The following FERMT3 variants were observed in gnomAD, a reference collection of about 807,000 sequenced individuals.
The protein encoded by FERMT3 is fermitin family homolog 3.
Under a neutral mutation model 80.8 loss-of-function variants are expected in FERMT3, and 33 were observed. That is an observed-to-expected ratio of 0.41 (90% CI 0.31 to 0.55). The LOEUF is 0.55. Ranked by LOEUF, FERMT3 falls within the 20% of genes least tolerant of loss-of-function variation. FERMT3 has a pLI of 0.31. For missense variants in FERMT3, 754 were observed against 908.7 expected (o/e 0.83, Z 2.19); for synonymous variants, 375 against 372.2 (o/e 1.01, Z -0.09).
At chr11:64,214,927 C>T (rs1486105061) in intron 6 of FERMT3, among the ~76,000 whole-genome samples, 1 of 151,864 alleles carries the variant, frequency 6.6e-6, no homozygotes, top group East Asian at 1.9e-4. Context: ...CTCAGCCTCC[C>T]ACATAGCTGG....
chr11:64,220,170 G>T, intron 10 of FERMT3, 50 bp from the exon 11 acceptor site: 7 of 1,590,866 alleles, frequency 4.4e-6, no homozygotes, highest in Non-Finnish European at 5.2e-6. Flanking sequence ...CAGGACCTCA[G>T]GCGGCTCTTC....
intron 6 of FERMT3, among the ~76,000 whole-genome samples, chr11:64,217,352 C>G (rs1047493212): frequency 6.6e-6 from 1 of 152,158 alleles, no homozygotes; most frequent in East Asian, 1.9e-4. Context: ...GAATTTGAGA[C>G]CAGCCTGATC....
intron 12 of FERMT3, 121 bp downstream of exon 12, chr11:64,220,790 C>G: frequency 7.9e-7 from 1 of 1,271,394 alleles, no homozygotes; most frequent in Non-Finnish European, 1.1e-6. Flanking sequence ...CCCACTGTGT[C>G]CCTGAGATTG....
chr11:64,211,394 C>T lies in FERMT3; in HGVS notation c.634C>T (p.Arg212Cys), dbSNP rs369072342. Residue 212 changes from arginine to cysteine, a missense_variant, in exon 5 of 15, where the codon CGT (arginine) becomes TGT (cysteine). Transcript: ENST00000345728. The surrounding 1 kb of genome is among the most constrained non-coding windows in gnomAD (Gnocchi z 4.7). The stretch of plus-strand genomic sequence containing the variant: ...GCCACCCGACCCCCTCCTGCTCCAG[C>T]GTCTGCCACGGCCCAGCTCCCTGTC... ...QPPPDPLLLQ[R>C]LPRPSSLSDK... is the part of the protein sequence containing the mutation. 6 of 1,605,376 alleles carry T rather than the reference C, an allele frequency of 3.7e-6. No individual in the cohort carries two copies. The highest frequency in any genetic ancestry group is 5.1e-6 in the Non-Finnish European group (6 of 1,177,104).
chr11:64,218,283 C>T (rs1209370640), intron 6 of FERMT3, among the ~76,000 whole-genome samples: 1 of 152,064 alleles, frequency 6.6e-6, no homozygotes, highest in Admixed American at 6.6e-5. Context: ...GGATTACAGG[C>T]GTGAGCCACT....
chr11:64,219,953 T>A lies in FERMT3; in HGVS notation c.1142T>A (p.Leu381Gln). The A allele has an allele frequency of 6.2e-7, 1 of 1,613,838 alleles. No individual in the cohort carries two copies. Among genetic ancestry groups the A allele is most frequent in the Non-Finnish European group, 8.5e-7 (1 of 1,179,988 alleles). ...QHWVVFKETT[L>Q]SYYKSQDEAP... is the part of the protein sequence containing the mutation. ...TGGGTGGTGTTCAAGGAGACCACAC[T>A]GTCCTACTACAAGAGCCAGGACGAG... is the stretch of plus-strand genomic sequence containing the variant. Residue 381 changes from leucine to glutamine, a missense_variant, in exon 10 of 15, where the codon CTG becomes CAG. Coordinates refer to ENST00000345728, the MANE Select transcript of FERMT3 (RefSeq NM_031471.6). The surrounding 1 kb of genome is among the most constrained non-coding windows in gnomAD (Gnocchi z 4.0).
intron 2 of FERMT3, among the ~76,000 whole-genome samples, chr11:64,208,711 C>T (rs11600667): frequency 0.1 from 15,952 of 152,116 alleles, 1,079 homozygotes; most frequent in Non-Finnish European, 0.16. Flanking sequence ...GAGAGGTGGC[C>T]TCAGCAGGGA....
chr11:64,209,449 G>A (rs1033946201), intron 2 of FERMT3, among the ~76,000 whole-genome samples: 1 of 152,206 alleles, frequency 6.6e-6, no homozygotes, highest in African/African-American at 2.4e-5. Flanking sequence ...AAGGGGACCT[G>A]GCCGAGGCAG....
chr11:64,215,376 A>G (rs948039716), intron 6 of FERMT3, among the ~76,000 whole-genome samples: 4 of 152,114 alleles, frequency 2.6e-5, no homozygotes, highest in Admixed American at 2.0e-4. Context: ...CATTTTGACA[A>G]TTGTCATATT....
At position 64,222,383 on chromosome 11, in the gene FERMT3, G is replaced by C. The variant is rs532591053; in HGVS notation, c.1671-665G>C. ...AGTTCGAGACCAGCCTGACCAACAT[G>C]GTGAAACCCCGTCTCTACTAAAAAC... is the stretch of plus-strand genomic sequence containing the variant. On this transcript the variant is annotated intron_variant, in intron 13 of 14. Coordinates refer to ENST00000345728, the MANE Select transcript of FERMT3 (RefSeq NM_031471.6). 3.3e-4 allele frequency among the ~76,000 whole-genome samples: 50 copies of C among 151,796 alleles called. 1 individual carries two copies. In the South Asian group the frequency reaches 9.1e-3, roughly 28 times the overall value.
At chr11:64,214,649 C>A (rs898537977) in intron 6 of FERMT3, among the ~76,000 whole-genome samples, 2 of 151,022 alleles carry the variant, frequency 1.3e-5, no homozygotes, top group Non-Finnish European at 3.0e-5. Context: ...GCCTGGCCTA[C>A]ACTTTTCTTT....
intron 13 of FERMT3, among the ~76,000 whole-genome samples, chr11:64,221,742 C>T (rs1363980561): frequency 7.0e-6 from 1 of 142,906 alleles, no homozygotes; most frequent in East Asian, 2.0e-4. Flanking sequence ...GCCTGGCCAA[C>T]ATAGTGAAAC....
chr11:64,220,725 C>T (rs1565296892), intron 12 of FERMT3, 56 bp downstream of exon 12: 5 of 1,474,074 alleles, frequency 3.4e-6, no homozygotes, highest in Non-Finnish European at 4.7e-6. Context: ...AGACCTCTGA[C>T]CCCTGGGTCT....
chr11:64,206,599 G>C (rs1028056053), upstream of FERMT3: 3 of 152,458 alleles, frequency 2.0e-5, no homozygotes, highest in Admixed American at 6.5e-5. Context: ...GGACAAAGGT[G>C]GGGGGGCCCC....
chr11:64,214,170 T>G (rs935830248), intron 6 of FERMT3, among the ~76,000 whole-genome samples: 3 of 146,950 alleles, frequency 2.0e-5, no homozygotes, highest in Admixed American at 1.4e-4. Flanking sequence ...ATAATTGCCT[T>G]TTTTTTTTTT....
chr11:64,218,386 C>T (rs546712491), intron 6 of FERMT3, among the ~76,000 whole-genome samples: 2 of 152,292 alleles, frequency 1.3e-5, no homozygotes, highest in Admixed American at 1.3e-4. Flanking sequence ...TCACTGCACC[C>T]TCAACCTCAT....
chr11:64,220,051 C>T, intron 10 of FERMT3, 36 bp downstream of exon 10: 1 of 1,611,218 alleles, frequency 6.2e-7, no homozygotes, highest in Non-Finnish European at 8.5e-7. Flanking sequence ...GTGGGGGGAT[C>T]CCCACTTGTG....
Position 64,210,646 on chromosome 11 carries a change from T to C in FERMT3, c.196T>C (p.Trp66Arg). ...GGACTGGTCAGACCATGCTATTTGG[T>C]GGGAACAGAAGAGGCAGTGGCTGCT... ...KQDWSDHAIW[W>R]EQKRQWLLQT... is the part of the protein sequence containing the mutation. Residue 66 changes from tryptophan to arginine, a missense_variant, in exon 3 of 15, where the codon TGG becomes CGG. Coordinates refer to ENST00000345728, the MANE Select transcript of FERMT3 (RefSeq NM_031471.6). This position sits in a 1 kb window ranked among gnomAD's most constrained non-coding sequence, Gnocchi z 4.3. 1 of 1,614,098 alleles carries C rather than the reference T, an allele frequency of 6.2e-7. No individual in the cohort carries two copies. The highest frequency in any genetic ancestry group is 8.5e-7 in the Non-Finnish European group (1 of 1,180,014).
In FERMT3 at chr11:64,220,312, C is replaced by CT. The variant is rs1946650649; in HGVS notation, c.1298dup (p.Arg434AlafsTer5). On this transcript the variant is annotated frameshift_variant, in exon 11 of 15. Transcript: ENST00000345728. LOFTEE classifies it high-confidence loss of function. ...CCCTGAGGGCATGAGTGAGATCTAC[C>CT]TGCGGTGCCAGGATGTGAGTGAGGG... 6.2e-7 allele frequency: 1 copy of CT among 1,613,684 alleles called. No individual in the cohort carries two copies. The highest frequency in any genetic ancestry group is 1.3e-5 in the African/African-American group (1 of 74,932).
Sources: gnomAD v4.1 joint callset for allele counts (sites outside exome capture counted in the v4.1 genomes callset) on GRCh38, gnomAD v4.1.1 for gene constraint, Gnocchi (gnomAD v3.1) non-coding constraint, MANE v1.5 for transcripts, NCBI Gene and HGNC (gene_info 2026-07-23, HGNC 2026-07-21) for gene names.